UMAD1: variants seen among roughly 807,000 people sequenced by gnomAD.
The protein encoded by UMAD1 is UBAP1-MVB12-associated (UMA) domain containing 1.
UMAD1 carries 8 observed loss-of-function variants against 6.1 expected under a neutral mutation model. The ratio of observed to expected loss-of-function variants is 1.30; its 90% CI spans 0.76 to 2.35. The LOEUF (loss-of-function observed/expected upper bound fraction) is 2.35, where lower values mean the gene tolerates loss of function less well. Among genes scored for constraint, UMAD1 ranks in the 30% most tolerant of loss-of-function variants. UMAD1 has a pLI of 0.00. For missense variants in UMAD1, 130 were observed against 78.4 expected, an observed-to-expected ratio of 1.66 and a Z score of -2.49; for synonymous variants, 56 against 31.4, an observed-to-expected ratio of 1.78 and a Z score of -2.61.
intron 2 of UMAD1, among the ~76,000 whole-genome samples, chr7:7,777,478 C>T (rs1782234600): frequency 1.4e-5 from 2 of 143,528 alleles, no homozygotes; most frequent in South Asian, 4.4e-4. Flanking sequence ...CGCACTCCAG[C>T]CTGGGAGACA....
At chr7:7,698,351 G>A (rs569315620) in intron 2 of UMAD1, among the ~76,000 whole-genome samples, 12 of 152,228 alleles carry the variant, frequency 7.9e-5, no homozygotes, top group East Asian at 3.9e-4. Flanking sequence ...ATAATGGTGC[G>A]TTTCCTGCTG....
chr7:7,659,129 T>G (rs552477917), intron 1 of UMAD1, among the ~76,000 whole-genome samples: 1 of 152,352 alleles, frequency 6.6e-6, no homozygotes, highest in Non-Finnish European at 1.5e-5. Flanking sequence ...TAGTTTGTAT[T>G]GCTGTGGGAT....
At chr7:7,677,541 A>G (rs540081876) in intron 2 of UMAD1, among the ~76,000 whole-genome samples, 25 of 152,162 alleles carry the variant, frequency 1.6e-4, no homozygotes, top group Admixed American at 9.8e-4. Flanking sequence ...TTCACTTTAC[A>G]TGATCTCCTC....
At chr7:7,673,189 G>C (rs2115108066) in intron 1 of UMAD1, 120 bp from the exon 2 acceptor site, 1 of 724,944 alleles carries the variant, frequency 1.4e-6, no homozygotes, top group Admixed American at 2.1e-5. Flanking sequence ...GGTTTTACAT[G>C]TGGCCATAGA....
At chr7:7,865,751 C>T (rs190630995) in intron 3 of UMAD1, among the ~76,000 whole-genome samples, 49 of 152,276 alleles carry the variant, frequency 3.2e-4, no homozygotes, top group Admixed American at 2.1e-3. Context: ...TACCATGTAG[C>T]TGGAGAGAAA....
intron 1 of UMAD1, among the ~76,000 whole-genome samples, chr7:7,642,648 C>T (rs1785000615): frequency 6.6e-6 from 1 of 152,070 alleles, no homozygotes; most frequent in Admixed American, 6.5e-5. Context: ...TTATAAAATA[C>T]ATGATGTACA....
intron 3 of UMAD1, among the ~76,000 whole-genome samples, chr7:7,831,553 A>G (rs1280616274): frequency 1.3e-5 from 2 of 152,066 alleles, no homozygotes; most frequent in African/African-American, 4.8e-5. Context: ...TGTTGTTTTT[A>G]GGCTCTTTTT....
intron 3 of UMAD1, among the ~76,000 whole-genome samples, chr7:7,808,999 C>T (rs1782976003): frequency 6.6e-6 from 1 of 151,870 alleles, no homozygotes; most frequent in Non-Finnish European, 1.5e-5. Flanking sequence ...AACACCTTCC[C>T]CCAACTTCTG....
chr7:7,683,684 A>G (rs534252359), intron 2 of UMAD1, among the ~76,000 whole-genome samples: 1 of 151,204 alleles, frequency 6.6e-6, no homozygotes, highest in South Asian at 2.1e-4. Flanking sequence ...GTGCAGTGGC[A>G]TGGTCTCTGT....
chr7:7,762,052 G>C (rs1302242568), intron 2 of UMAD1, among the ~76,000 whole-genome samples: 2 of 152,194 alleles, frequency 1.3e-5, no homozygotes, highest in Non-Finnish European at 2.9e-5. Flanking sequence ...GGGACTAAGG[G>C]CGTGCCAGAA....
intron 3 of UMAD1, among the ~76,000 whole-genome samples, chr7:7,853,840 T>A (rs954410592): frequency 6.6e-6 from 1 of 152,170 alleles, no homozygotes; most frequent in Non-Finnish European, 1.5e-5. Context: ...GAACCTCTGG[T>A]ACAATGTTGA....
At chr7:7,730,667 G>A (rs1398544778) in intron 2 of UMAD1, among the ~76,000 whole-genome samples, 1 of 151,822 alleles carries the variant, frequency 6.6e-6, no homozygotes, top group African/African-American at 2.4e-5. Context: ...TTAAATAATA[G>A]GCATGTACTA....
chr7:7,845,001 A>G (rs949260455), intron 3 of UMAD1, among the ~76,000 whole-genome samples: 2 of 152,088 alleles, frequency 1.3e-5, no homozygotes, highest in Non-Finnish European at 2.9e-5. Flanking sequence ...AAAAATTTAC[A>G]TAAATTATTA....
intron 2 of UMAD1, among the ~76,000 whole-genome samples, chr7:7,767,239 C>T (rs1355809015): frequency 6.6e-6 from 1 of 151,794 alleles, no homozygotes; most frequent in Non-Finnish European, 1.5e-5. Context: ...ATTCTCCTGC[C>T]TCAGCCTCCT....
chr7:7,673,071 A>T (rs1381973750), intron 1 of UMAD1, among the ~76,000 whole-genome samples: 1 of 152,168 alleles, frequency 6.6e-6, no homozygotes, highest in African/African-American at 2.4e-5. Context: ...TTATTTTCTG[A>T]ATCTTCAGAA....
At chr7:7,722,283 A>G (rs1037390401) in intron 2 of UMAD1, among the ~76,000 whole-genome samples, 3 of 151,844 alleles carry the variant, frequency 2.0e-5, no homozygotes, top group Admixed American at 2.0e-4. Context: ...GTGGTTCTAG[A>G]GGAACAGAAT....
At chr7:7,776,786 T>G (rs1782216699) in intron 2 of UMAD1, among the ~76,000 whole-genome samples, 2 of 152,190 alleles carry the variant, frequency 1.3e-5, no homozygotes, top group Non-Finnish European at 2.9e-5. Context: ...ATCTAAATGT[T>G]CAAAATCTTA....
intron 3 of UMAD1, among the ~76,000 whole-genome samples, chr7:7,859,969 T>TTTATGTTTTATAAGAA (rs1784084195): frequency 2.0e-5 from 3 of 152,232 alleles, no homozygotes; most frequent in Non-Finnish European, 4.4e-5. Context: ...ACTTTAAATT[T>TTTATGTTTTATAAGAA]TCCTCTTATG....
At chr7:7,700,196 C>A (rs1780425640) in intron 2 of UMAD1, among the ~76,000 whole-genome samples, 1 of 152,084 alleles carries the variant, frequency 6.6e-6, no homozygotes, top group African/African-American at 2.4e-5. Flanking sequence ...CTGGTGAGGG[C>A]CTTCTTTCTG....
Sources: gnomAD v4.1 joint callset for allele counts (sites outside exome capture counted in the v4.1 genomes callset) on GRCh38, gnomAD v4.1.1 for gene constraint, MANE v1.5 for transcripts, NCBI Gene and HGNC (gene_info 2026-07-23, HGNC 2026-07-21) for gene names.